Variants in SPTB observed in about 807,000 individuals in gnomAD.
SPTB encodes the protein spectrin beta chain, erythrocytic.
In SPTB, 45 loss-of-function variants were observed where a neutral mutation model predicts 256.2. The ratio of observed to expected loss-of-function variants is 0.18; its 90% CI spans 0.14 to 0.23. SPTB has a LOEUF of 0.23. SPTB is among the 10% of genes least tolerant of loss of function. The pLI, the probability that SPTB is intolerant of heterozygous loss-of-function variation, is 1.00. For missense variants in SPTB, 2,715 were observed against 3,040.4 expected, an observed-to-expected ratio of 0.89 and a Z score of 2.52; for synonymous variants, 1,231 against 1,243.1, an observed-to-expected ratio of 0.99 and a Z score of 0.21.
chr14:64,792,414 T>C lies in SPTB; in HGVS notation c.2667-558A>G, dbSNP rs979243745. Among the ~76,000 whole-genome samples the C allele has an allele frequency of 6.6e-5, 10 of 152,214 alleles. No homozygotes were observed. Among genetic ancestry groups the C allele is most frequent in the African/African-American group, 2.4e-4 (10 of 41,450 alleles). Reference sequence around the variant, plus strand: ...TCTCCAGCATCAGTGCAGCACCACCTTGGCACTGTTCCAGAGAGCGGCCTC... The same window carrying C: ...TCTCCAGCATCAGTGCAGCACCACCCTGGCACTGTTCCAGAGAGCGGCCTC... On this transcript the variant is annotated intron_variant, in intron 14 of 35. Transcript: ENST00000644917. The surrounding 1 kb of genome is among the most constrained non-coding windows in gnomAD (Gnocchi z 4.2).
chr14:64,801,650 C>T (rs1357382156), intron 6 of SPTB, 104 bp downstream of exon 6: 2 of 1,215,990 alleles, frequency 1.6e-6, no homozygotes, highest in African/African-American at 1.5e-5. Flanking sequence ...GGAGAAGGAA[C>T]AGCAGAGGTC....
In SPTB at chr14:64,770,997, G is replaced by A. The variant is rs1310916716; in HGVS notation, c.5686C>T (p.Arg1896Trp). The change falls in exon 27 of 36, where the codon CGG becomes TGG. Residue 1896 changes from arginine (R) to tryptophan (W), a missense_variant. Arg to Trp is a moderately radical substitution (Grantham distance 101, BLOSUM62 -3). Transcript: ENST00000644917. Reference protein sequence around the residue: ...QALLDACAGRRTQLVDTADKF... With the variant: ...QALLDACAGRWTQLVDTADKF... ...TCCGCCGTGTCCACTAGCTGGGTCC[G>A]GCGCCCGGCACAGGCATCGAGCAGC... 4 of 1,614,156 alleles carry A rather than the reference G, an allele frequency of 2.5e-6. No individual in the cohort carries two copies. The highest frequency in any genetic ancestry group is 1.1e-5 in the South Asian group (1 of 91,088).
chr14:64,795,356 T>C lies in SPTB; in HGVS notation c.1625A>G (p.Asp542Gly). The change falls in exon 12 of 36, where the codon GAC becomes GGC. Residue 542 changes from aspartate (D) to glycine (G), a missense_variant. Physicochemically the swap from Asp to Gly is moderately conservative, Grantham distance 94 (BLOSUM62 -1). Around this residue, in one of 4 missense-constraint regions of SPTB, gnomAD observed 2,239 missense variants for 2,384.4 expected, o/e 0.94. Transcript: ENST00000644917. This position sits in a 1 kb window ranked among gnomAD's most constrained non-coding sequence, Gnocchi z 6.5. ...GCCCACCTTGATCTCATCCATCCAGTCGATGCTGTGCAGCATGTCCTGGAA... is the reference window on the plus strand; with the variant it reads ...GCCCACCTTGATCTCATCCATCCAGCCGATGCTGTGCAGCATGTCCTGGAA... ...KLFQDMLHSI[D>G]WMDEIKAHLL... The C allele has an allele frequency of 1.9e-6, 3 of 1,610,758 alleles. No homozygotes were observed. Among genetic ancestry groups the C allele is most frequent in the Non-Finnish European group, 2.5e-6 (3 of 1,179,978 alleles).
At chr14:64,767,036 C>T (rs1035523324) in intron 31 of SPTB, among the ~76,000 whole-genome samples, 1 of 152,176 alleles carries the variant, frequency 6.6e-6, no homozygotes, top group Admixed American at 6.5e-5. Flanking sequence ...TGTGGGGCCC[C>T]GTGTTCAGGT....
At chr14:64,753,856 C>T in intron 32 of SPTB, 63 bp from the exon 33 acceptor site, 3 of 1,601,168 alleles carry the variant, frequency 1.9e-6, no homozygotes, top group South Asian at 2.2e-5. Flanking sequence ...TGGCTGTTCT[C>T]AGCAAAATTG....
intron 2 of SPTB, among the ~76,000 whole-genome samples, chr14:64,819,982 G>A (rs192282697): frequency 2.2e-3 from 332 of 152,246 alleles, no homozygotes; most frequent in African/African-American, 7.5e-3. Flanking sequence ...ATCCTCCACT[G>A]CGGTGGCATT....
At chr14:64,755,120 G>A (rs974066552) in intron 32 of SPTB, 2 of 152,328 alleles carry the variant, frequency 1.3e-5, no homozygotes, top group South Asian at 4.1e-4. Flanking sequence ...AACAGCTGAA[G>A]ACAGAGGTCC....
At chr14:64,768,998 C>G (rs2082235819) in intron 29 of SPTB, 36 bp downstream of exon 29, 3 of 1,573,156 alleles carry the variant, frequency 1.9e-6, no homozygotes, top group Non-Finnish European at 2.6e-6. Context: ...CGGGGGTACT[C>G]CTGCCCCTGG....
At chr14:64,855,394 AT>A (rs2083856043) in intron 1 of SPTB, among the ~76,000 whole-genome samples, 1 of 152,224 alleles carries the variant, frequency 6.6e-6, no homozygotes, top group African/African-American at 2.4e-5. Flanking sequence ...CTAAGAAGTT[AT>A]TCTTTATGGC....
At chr14:64,794,695 G>T in intron 12 of SPTB, 78 bp from the exon 13 acceptor site, 1 of 1,579,214 alleles carries the variant, frequency 6.3e-7, no homozygotes, top group East Asian at 2.2e-5. Flanking sequence ...CCCTGCAAAG[G>T]GCATGTCTCT....
intron 1 of SPTB, among the ~76,000 whole-genome samples, chr14:64,863,612 C>G (rs66511472): frequency 6.6e-6 from 1 of 152,128 alleles, no homozygotes; most frequent in Non-Finnish European, 1.5e-5. Context: ...CTTGTCCCCA[C>G]CTCCCTGCAT....
intron 9 of SPTB, 85 bp from the exon 10 acceptor site, chr14:64,797,931 T>A (rs775804197): frequency 1.1e-6 from 1 of 905,686 alleles, no homozygotes; most frequent in Non-Finnish European, 1.9e-6. Flanking sequence ...AACTGTGGCA[T>A]CTTGAAGCGT....
chr14:64,823,275 G>A lies in SPTB; in HGVS notation c.-51-130C>T. On this transcript the variant is annotated intron_variant, in intron 1 of 35. Transcript: ENST00000644917. The surrounding 1 kb of genome is among the most constrained non-coding windows in gnomAD (Gnocchi z 6.5). Reference sequence around the variant, plus strand: ...GCAGAACGCCATGTCATCTGCCTGGGCGTGCTTCCTACCAGGGTCTCTGGG... The same window carrying A: ...GCAGAACGCCATGTCATCTGCCTGGACGTGCTTCCTACCAGGGTCTCTGGG... 1.4e-6 allele frequency: 1 copy of A among 718,872 alleles called. No individual in the cohort carries two copies. The highest frequency in any genetic ancestry group is 2.4e-6 in the Non-Finnish European group (1 of 411,650). 44.5% of individuals were successfully genotyped at this position (718,872 alleles called of 1,614,324 possible). A position where few individuals can be genotyped will look rare whatever the true frequency, so the allele number is the denominator to read the frequency against.
chr14:64,773,153 G>A (rs2082304575), intron 25 of SPTB, 67 bp downstream of exon 25: 2 of 1,600,018 alleles, frequency 1.2e-6, no homozygotes, highest in African/African-American at 1.3e-5. Context: ...TGTGTGTCTT[G>A]AGTGACGGCT....
chr14:64,774,462 G>T lies in SPTB; in HGVS notation c.4908C>A (p.Tyr1636Ter). 1 of 1,562,776 alleles carries T rather than the reference G, an allele frequency of 6.4e-7. No homozygotes were observed. Among genetic ancestry groups the T allele is most frequent in the East Asian group, 2.4e-5 (1 of 41,934 alleles). ...HLRQQRAVED[Y>*]GRNIKQLASR... ...TGGCCAGCTGCTTGATGTTCCGGCC[G>T]TAGTCCTCCACCGCACGCTGCTGCC... Residue 1636 changes from tyrosine (Y) to a stop codon, truncating the protein, a stop_gained, in exon 24 of 36, where the codon TAC becomes TAA. Coordinates refer to ENST00000644917, the MANE Select transcript of SPTB (RefSeq NM_001355436.2). LOFTEE classifies it high-confidence loss of function.
At chr14:64,867,293 A>T (rs1168977927) in intron 1 of SPTB, among the ~76,000 whole-genome samples, 1 of 152,084 alleles carries the variant, frequency 6.6e-6, no homozygotes, top group East Asian at 1.9e-4. Context: ...CTATCACCCA[A>T]TTCAACTTGT....
chr14:64,829,521 A>G (rs1282600432), intron 1 of SPTB, among the ~76,000 whole-genome samples: 3 of 152,208 alleles, frequency 2.0e-5, no homozygotes, highest in Non-Finnish European at 4.4e-5. Flanking sequence ...TGATCATGGC[A>G]TTATGGTTAT....
chr14:64,751,950 C>G (rs915002062), intron 33 of SPTB, among the ~76,000 whole-genome samples: 1 of 101,854 alleles, frequency 9.8e-6, no homozygotes, highest in Non-Finnish European at 2.2e-5. Flanking sequence ...AAAAATTAGC[C>G]AGGCGTGGTG....
Position 64,752,819 on chromosome 14 carries a change from G to T in SPTB, c.6602+718C>A, listed in dbSNP as rs185657808. On this transcript the variant is annotated intron_variant, in intron 33 of 35. Transcript: ENST00000644917. ...CCAGCTGTCCCTGGGAATATGGCTG[G>T]CTTCAACCTCCTGGTGCTGCCCTAT... Among the ~76,000 whole-genome samples the T allele has an allele frequency of 1.9e-3, 284 of 152,252 alleles. 2 individuals carry two copies. The highest frequency in any genetic ancestry group is 5.7e-4 in the Non-Finnish European group (39 of 68,034).
Sources: gnomAD v4.1 joint callset for allele counts (sites outside exome capture counted in the v4.1 genomes callset) on GRCh38, gnomAD v4.1.1 for gene constraint, gnomAD v4.1.1 regional missense constraint, Gnocchi (gnomAD v3.1) non-coding constraint, MANE v1.5 for transcripts, NCBI Gene and HGNC (gene_info 2026-07-23, HGNC 2026-07-21) for gene names.